Variants in ATRNL1 observed in about 807,000 individuals in gnomAD.
ATRNL1 encodes attractin like 1.
A neutral mutation model predicts 182.7 loss-of-function variants in ATRNL1; 95 were observed. That is an observed-to-expected ratio of 0.52 (90% CI 0.44 to 0.62). The LOEUF (loss-of-function observed/expected upper bound fraction) is 0.62. Among genes scored for constraint, ATRNL1 ranks in the 20% least tolerant of loss-of-function variants. The pLI, the probability that ATRNL1 is intolerant of heterozygous loss-of-function variation, is 0.00. For missense variants in ATRNL1, 1,471 were observed against 1,679.5 expected (o/e 0.88, Z 2.17); for synonymous variants, 576 against 568.3 (o/e 1.01, Z -0.19).
intron 25 of ATRNL1, among the ~76,000 whole-genome samples, chr10:115,539,132 A>G (rs1413952703): frequency 2.6e-5 from 4 of 152,232 alleles, no homozygotes; most frequent in Admixed American, 2.6e-4. Context: ...AGTAAGTGAC[A>G]CATGACTGTA....
intron 27 of ATRNL1, among the ~76,000 whole-genome samples, chr10:115,749,895 G>A (rs1555070206): frequency 1.3e-5 from 2 of 151,926 alleles, no homozygotes; most frequent in Non-Finnish European, 1.5e-5. Context: ...TTTCTCATTT[G>A]TAAAGTCGAA....
chr10:115,908,570 G>A (rs1195354911), intron 28 of ATRNL1, among the ~76,000 whole-genome samples: 22 of 152,042 alleles, frequency 1.4e-4, no homozygotes, highest in Admixed American at 1.2e-3. Context: ...AAGGTCCTTC[G>A]TTTAATCACT....
Position 115,469,336 on chromosome 10 carries a change from G to C in ATRNL1, c.3654+7G>C. 1 of 1,500,894 alleles carries C rather than the reference G, an allele frequency of 6.7e-7. No individual in the cohort carries two copies. The highest frequency in any genetic ancestry group is 8.9e-7 in the Non-Finnish European group (1 of 1,123,542). 93.0% of individuals were successfully genotyped at this position (1,500,894 alleles called of 1,614,324 possible). ...CTGGCCTATTAAAATACAGGTAAGT[G>C]TTAAGAGTATTTACTTCTAATGACC... is the stretch of plus-strand genomic sequence containing the variant. On this transcript the variant is annotated splice_region_variant and intron_variant, in intron 24 of 28. Transcript: ENST00000355044.
At chr10:115,748,718 T>A (rs1948363067) in intron 27 of ATRNL1, among the ~76,000 whole-genome samples, 1 of 151,924 alleles carries the variant, frequency 6.6e-6, no homozygotes, top group Non-Finnish European at 1.5e-5. Flanking sequence ...AATACCATAA[T>A]GTTTGTGCTG....
At position 115,241,714 on chromosome 10, in the gene ATRNL1, C is replaced by A; in HGVS notation, c.1676C>A (p.Ala559Glu). The A allele has an allele frequency of 6.2e-7, 1 of 1,608,960 alleles. No individual in the cohort carries two copies. Among genetic ancestry groups the A allele is most frequent in the South Asian group, 1.1e-5 (1 of 90,584 alleles). The stretch of plus-strand genomic sequence containing the variant: ...AAATGTTTTTCTGCCGATTTCCTGG[C>A]ATATGACATAGGTATGTATCTGTTA... ...GAKCFSADFLAYDIACDEWKI... is the reference protein window; with the variant it reads ...GAKCFSADFLEYDIACDEWKI... Residue 559 changes from alanine to glutamate, a missense_variant, in exon 10 of 29, where the codon GCA becomes GAA. Coordinates refer to ENST00000355044, the MANE Select transcript of ATRNL1 (RefSeq NM_207303.4).
At chr10:115,436,253 G>T (rs2134430196) in intron 21 of ATRNL1, among the ~76,000 whole-genome samples, 1 of 152,110 alleles carries the variant, frequency 6.6e-6, no homozygotes, top group African/African-American at 2.4e-5. Flanking sequence ...AAAGTTTAGT[G>T]ATTTTGAGCT....
intron 26 of ATRNL1, among the ~76,000 whole-genome samples, chr10:115,608,852 A>G (rs1295332954): frequency 1.3e-5 from 2 of 151,930 alleles, no homozygotes; most frequent in African/African-American, 4.8e-5. Context: ...AAGTTCCTCA[A>G]TAGTTATAAA....
chr10:115,676,831 C>A (rs1555043215), intron 26 of ATRNL1, among the ~76,000 whole-genome samples: 1 of 151,870 alleles, frequency 6.6e-6, no homozygotes, highest in Admixed American at 6.6e-5. Context: ...ACAGCATGTG[C>A]TGAATGGAGA....
chr10:115,383,951 C>G (rs1858182147), intron 19 of ATRNL1, among the ~76,000 whole-genome samples: 1 of 151,928 alleles, frequency 6.6e-6, no homozygotes, highest in East Asian at 1.9e-4. Context: ...GACTTGATAT[C>G]AACTGAGAAG....
chr10:115,601,589 T>A (rs1267649859), intron 26 of ATRNL1, among the ~76,000 whole-genome samples: 1 of 152,216 alleles, frequency 6.6e-6, no homozygotes, highest in Admixed American at 6.5e-5. Context: ...TTGGTATGAC[T>A]TGTTCATGAT....
At chr10:115,275,886 T>C (rs1852082952) in intron 13 of ATRNL1, among the ~76,000 whole-genome samples, 1 of 152,210 alleles carries the variant, frequency 6.6e-6, no homozygotes, top group African/African-American at 2.4e-5. Context: ...AGTCACTCAC[T>C]GTGGGCCACC....
chr10:115,467,889 G>T (rs1224278633), intron 23 of ATRNL1, among the ~76,000 whole-genome samples: 4 of 150,238 alleles, frequency 2.7e-5, no homozygotes, highest in Admixed American at 2.7e-4. Context: ...AATTTTATTG[G>T]TATCTATTTT....
Position 115,355,977 on chromosome 10 carries a change from T to A in ATRNL1, c.3175+21558T>A, listed in dbSNP as rs190025755. Among the ~76,000 whole-genome samples the A allele has an allele frequency of 2.4e-3, 363 of 152,230 alleles. 3 individuals are homozygous for A. Among genetic ancestry groups the A allele is most frequent in the Non-Finnish European group, 4.2e-3 (283 of 67,994 alleles). ...ACATAATGACAGTTCTATTTTTACCTTATGTTTCTCTTTTTGGCATACTGT... is the reference window on the plus strand; with the variant it reads ...ACATAATGACAGTTCTATTTTTACCATATGTTTCTCTTTTTGGCATACTGT... On this transcript the variant is annotated intron_variant, in intron 19 of 28. Transcript: ENST00000355044.
chr10:115,860,224 C>T (rs1178657956), intron 28 of ATRNL1, among the ~76,000 whole-genome samples: 1 of 152,170 alleles, frequency 6.6e-6, no homozygotes, highest in Non-Finnish European at 1.5e-5. Context: ...TCTGAACCTG[C>T]TGTCTGATAT....
intron 26 of ATRNL1, among the ~76,000 whole-genome samples, chr10:115,552,789 C>G (rs549897698): frequency 6.6e-6 from 1 of 151,406 alleles, no homozygotes; most frequent in South Asian, 2.1e-4. Context: ...CCTTCATACA[C>G]TAACCCCAAA....
At chr10:115,299,970 TA>T in intron 15 of ATRNL1, 63 bp from the exon 16 acceptor site, 1 of 1,204,020 alleles carries the variant, frequency 8.3e-7, no homozygotes, top group Non-Finnish European at 1.2e-6. Flanking sequence ...AACTATTTGC[TA>T]AGGAATATGC....
rs116978909 is a variant in ATRNL1 at position 115,758,733 on chromosome 10, C to T, written c.3903+31378C>T. ...ATCACTGAAGCTGTGCCCACAGCCG[C>T]CCCTTCCCCCAGGTGCTTTGTCCCA... On this transcript the variant is annotated intron_variant, in intron 27 of 28. Transcript: ENST00000355044. Among the ~76,000 whole-genome samples the T allele has an allele frequency of 1.6e-4, 24 of 152,330 alleles. No individual in the cohort carries two copies. In the East Asian group the frequency reaches 4.6e-3, roughly 29 times the overall value.
At chr10:115,153,967 A>G (rs1018938699) in intron 5 of ATRNL1, among the ~76,000 whole-genome samples, 1 of 151,124 alleles carries the variant, frequency 6.6e-6, no homozygotes, top group Admixed American at 6.6e-5. Flanking sequence ...TTCGTTATGT[A>G]CCCAGTAGTC....
At chr10:115,394,025 G>T (rs1554954928) in intron 19 of ATRNL1, among the ~76,000 whole-genome samples, 2 of 151,936 alleles carry the variant, frequency 1.3e-5, no homozygotes, top group Non-Finnish European at 1.5e-5. Context: ...AACTTAAAAG[G>T]GTGAATTTAG....
Sources: gnomAD v4.1 joint callset for allele counts (sites outside exome capture counted in the v4.1 genomes callset) on GRCh38, gnomAD v4.1.1 for gene constraint, MANE v1.5 for transcripts, NCBI Gene and HGNC (gene_info 2026-07-23, HGNC 2026-07-21) for gene names.